AMOTL1: variants seen among roughly 807,000 people sequenced by gnomAD.
AMOTL1 encodes the protein angiomotin like 1.
AMOTL1 carries 45 observed loss-of-function variants against 102.9 expected under a neutral mutation model. The observed-to-expected ratio is 0.44, with a 90% CI of 0.34 to 0.56. The LOEUF (loss-of-function observed/expected upper bound fraction) is 0.56, where lower values mean the gene tolerates loss of function less well. Among genes scored for constraint, AMOTL1 ranks in the 20% least tolerant of loss-of-function variants. The pLI, the probability that AMOTL1 is intolerant of heterozygous loss-of-function variation, is 0.01. For synonymous variants in AMOTL1, 481 were observed against 484.7 expected, an observed-to-expected ratio of 0.99 and a Z score of 0.10; for missense variants, 1,114 against 1,225.6, an observed-to-expected ratio of 0.91 and a Z score of 1.36.
rs1591937345 is a variant in AMOTL1 at position 94,759,272 on chromosome 11, A to G, written c.136+18284A>G. ...GTGTTTAAGGCCAGAGCTTTTCTCA[A>G]TATTTGATTTTTTTCCTCAATATTT... On this transcript the variant is annotated intron_variant, in intron 3 of 4. Coordinates refer to the AMOTL1 transcript ENST00000299004. 2.0e-5 allele frequency among the ~76,000 whole-genome samples: 3 copies of G among 152,302 alleles called. No individual in the cohort carries two copies. In the East Asian group the frequency reaches 5.8e-4, roughly 29 times the overall value.
chr11:94,768,593 C>A (rs1469896056), intron 1 of AMOTL1, 33 bp downstream of exon 1: 1 of 1,573,490 alleles, frequency 6.4e-7, no homozygotes, highest in Non-Finnish European at 8.6e-7. Flanking sequence ...GCCGGGAGGG[C>A]GTCTCCGAGT....
At chr11:94,745,587 T>A (rs140123688) in intron 3 of AMOTL1, among the ~76,000 whole-genome samples, 71 of 152,304 alleles carry the variant, frequency 4.7e-4, no homozygotes, top group African/African-American at 1.7e-3. Context: ...AAAAATTTAG[T>A]TTGAATTCTC....
At position 94,779,050 on chromosome 11, in the gene AMOTL1, C is replaced by T. The variant is rs1252655808; in HGVS notation, c.49+10490C>T. ...AGTGGAAAATAGATATAATTATAAG[C>T]CTGCCTAAATTCAAGGATGTAGACC... On this transcript the variant is annotated intron_variant, in intron 1 of 12. Transcript: ENST00000433060. Among the ~76,000 whole-genome samples the T allele has an allele frequency of 2.0e-5, 3 of 152,056 alleles. No homozygotes were observed. The East Asian group carries it at 5.8e-4, about 29-fold the overall frequency.
chr11:94,819,852 G>A (rs1420477536), intron 3 of AMOTL1, among the ~76,000 whole-genome samples: 1 of 152,180 alleles, frequency 6.6e-6, no homozygotes, highest in African/African-American at 2.4e-5. Context: ...AATGTTGTTA[G>A]GAGCCCTTGG....
intron 8 of AMOTL1, among the ~76,000 whole-genome samples, chr11:94,855,387 A>G (rs1202916862): frequency 6.6e-6 from 1 of 152,174 alleles, no homozygotes; most frequent in Non-Finnish European, 1.5e-5. Context: ...GTGGACTTCT[A>G]ATACTGATAA....
chr11:94,832,527 T>G (rs1165270271), intron 6 of AMOTL1, among the ~76,000 whole-genome samples: 1 of 152,250 alleles, frequency 6.6e-6, no homozygotes, highest in Non-Finnish European at 1.5e-5. Flanking sequence ...TTTTTTAAAT[T>G]CCGTTTTTTG....
At chr11:94,776,592 T>C (rs767042015) in intron 1 of AMOTL1, among the ~76,000 whole-genome samples, 1 of 152,214 alleles carries the variant, frequency 6.6e-6, no homozygotes, top group Non-Finnish European at 1.5e-5. Context: ...CTTTGTGAGG[T>C]AGGGCTCTGC....
intron 3 of AMOTL1, among the ~76,000 whole-genome samples, chr11:94,742,245 T>C (rs531350512): frequency 6.6e-5 from 10 of 152,348 alleles, no homozygotes; most frequent in Non-Finnish European, 1.2e-4. Context: ...GAAAGTGACA[T>C]CTAAACCATA....
chr11:94,844,583 GGC>G (rs1371996875), intron 6 of AMOTL1, among the ~76,000 whole-genome samples: 2 of 152,218 alleles, frequency 1.3e-5, no homozygotes, highest in Admixed American at 1.3e-4. Flanking sequence ...GTTATTGCAT[GGC>G]CAAAGGGCAG....
intron 2 of AMOTL1, chr11:94,740,810 A>G: frequency 1.4e-6 from 1 of 691,690 alleles, no homozygotes; most frequent in South Asian, 1.5e-5. Context: ...CCTCCGGCTC[A>G]GGGATTCTGA....
chr11:94,831,588 CG>C (rs1050323268), intron 6 of AMOTL1, 47 bp downstream of exon 6: 10 of 1,517,390 alleles, frequency 6.6e-6, no homozygotes, highest in Non-Finnish European at 9.1e-6. Context: ...TGTTTAAAAA[CG>C]GGGTCCTGAA....
chr11:94,815,806 G>C (rs1047367973), intron 3 of AMOTL1, among the ~76,000 whole-genome samples: 3 of 152,070 alleles, frequency 2.0e-5, no homozygotes, highest in African/African-American at 4.8e-5. Context: ...AAAGAATCTT[G>C]TATGGTAAAT....
intron 3 of AMOTL1, among the ~76,000 whole-genome samples, chr11:94,744,750 TAAC>T (rs1237543286): frequency 6.6e-6 from 1 of 152,204 alleles, no homozygotes; most frequent in Admixed American, 6.5e-5. Flanking sequence ...ATTGGTTTAA[TAAC>T]AACTTTTCAG....
chr11:94,850,522 G>A (rs776527891), intron 7 of AMOTL1, among the ~76,000 whole-genome samples: 4 of 152,240 alleles, frequency 2.6e-5, no homozygotes, highest in Non-Finnish European at 4.4e-5. Flanking sequence ...ACAGCCCATC[G>A]GTTGACACGT....
chr11:94,736,874 C>T (rs1354893151), intron 2 of AMOTL1, among the ~76,000 whole-genome samples: 1 of 152,220 alleles, frequency 6.6e-6, no homozygotes, highest in East Asian at 1.9e-4. Context: ...GGGCACTGAT[C>T]ATCTCTGTGT....
intron 1 of AMOTL1, among the ~76,000 whole-genome samples, chr11:94,770,382 C>T (rs1468937136): frequency 6.6e-6 from 1 of 151,548 alleles, no homozygotes; most frequent in Admixed American, 6.6e-5. Flanking sequence ...AACACCGATT[C>T]GACCAGAATG....
At position 94,799,445 on chromosome 11, in the gene AMOTL1, G is replaced by T; in HGVS notation, c.255G>T (p.Val85=). The T allele has an allele frequency of 1.2e-6, 2 of 1,602,386 alleles. No homozygotes were observed. Among genetic ancestry groups the T allele is most frequent in the Non-Finnish European group, 1.7e-6 (2 of 1,174,090 alleles). ...HSPNFLRISE[V]EMRGSEDAAA... ...CAAACTTCCTGAGGATCTCAGAGGT[G>T]GAAATGAGAGGTTCCGAGGATGCGG... Residue 85 remains valine (V), a synonymous_variant, in exon 3 of 13, where the codon GTG becomes GTT. Transcript: ENST00000433060. This position sits in a 1 kb window ranked among gnomAD's most constrained non-coding sequence, Gnocchi z 4.5.
At position 94,799,338 on chromosome 11, in the gene AMOTL1, T is replaced by C; in HGVS notation, c.200-52T>C. The C allele has an allele frequency of 7.2e-7, 1 of 1,394,324 alleles. No individual in the cohort carries two copies. Among genetic ancestry groups the C allele is most frequent in the Non-Finnish European group, 9.7e-7 (1 of 1,028,738 alleles). The allele number at this position is 1,394,324 out of a possible 1,614,324, so 86.4% of individuals were successfully genotyped here. A position where few individuals can be genotyped will look rare whatever the true frequency, so the allele number is the denominator to read the frequency against. On this transcript the variant is annotated intron_variant, in intron 2 of 12. Coordinates refer to ENST00000433060, the MANE Select transcript of AMOTL1 (RefSeq NM_130847.3). The surrounding 1 kb of genome is among the most constrained non-coding windows in gnomAD (Gnocchi z 4.5). ...ATTATGTACCACATAGTCACAGACA[T>C]ATATCTCCTGTGGAGCTGCCTGATA... is the stretch of plus-strand genomic sequence containing the variant.
chr11:94,750,910 A>G (rs1591928689), intron 3 of AMOTL1, among the ~76,000 whole-genome samples: 1 of 152,310 alleles, frequency 6.6e-6, no homozygotes, highest in East Asian at 1.9e-4. Context: ...CATTCTCAGA[A>G]CAACTTAGTG....
Sources: gnomAD v4.1 joint callset for allele counts (sites outside exome capture counted in the v4.1 genomes callset) on GRCh38, gnomAD v4.1.1 for gene constraint, Gnocchi (gnomAD v3.1) non-coding constraint, MANE v1.5 for transcripts, NCBI Gene and HGNC (gene_info 2026-07-23, HGNC 2026-07-21) for gene names.